The following PEBP4 variants were observed in gnomAD, a reference collection of about 807,000 sequenced individuals.
The protein encoded by PEBP4 is phosphatidylethanolamine binding protein 4.
A neutral mutation model predicts 23.9 loss-of-function variants in PEBP4; 22 were observed. That is an observed-to-expected ratio of 0.92 (90% CI 0.66 to 1.31). The LOEUF is 1.31. PEBP4 is among the 40% of genes most tolerant of loss of function. The pLI is 0.00. For synonymous variants in PEBP4, 112 were observed against 99.3 expected, an observed-to-expected ratio of 1.13 and a Z score of -0.76; for missense variants, 324 against 281.7, an observed-to-expected ratio of 1.15 and a Z score of -1.07.
intron 6 of PEBP4, among the ~76,000 whole-genome samples, chr8:22,718,611 G>A (rs146964406): frequency 1.3e-5 from 2 of 152,188 alleles, no homozygotes; most frequent in Non-Finnish European, 1.5e-5. Context: ...AGTTCTACCC[G>A]CTCGGCCAGG....
intron 4 of PEBP4, among the ~76,000 whole-genome samples, chr8:22,802,705 T>C (rs2128759059): frequency 1.3e-5 from 2 of 152,336 alleles, no homozygotes; most frequent in Admixed American, 1.3e-4. Flanking sequence ...AGACGCTTTG[T>C]TACTGGGAGA....
chr8:22,880,041 C>T (rs187428449), intron 3 of PEBP4, among the ~76,000 whole-genome samples: 1 of 152,178 alleles, frequency 6.6e-6, no homozygotes, highest in African/African-American at 2.4e-5. Flanking sequence ...CCACATGCAT[C>T]CAAATTTGGC....
chr8:22,835,341 C>A (rs1274113876), intron 3 of PEBP4, among the ~76,000 whole-genome samples: 1 of 152,208 alleles, frequency 6.6e-6, no homozygotes, highest in East Asian at 1.9e-4. Flanking sequence ...TTTCCACCGG[C>A]CCCTGGAGCA....
chr8:22,779,704 T>C (rs1805879594), intron 4 of PEBP4, among the ~76,000 whole-genome samples: 1 of 152,200 alleles, frequency 6.6e-6, no homozygotes, highest in Non-Finnish European at 1.5e-5. Context: ...GCACTGTGTT[T>C]AGCACTGGGA....
At chr8:22,859,563 G>A (rs892522474) in intron 3 of PEBP4, among the ~76,000 whole-genome samples, 2 of 152,248 alleles carry the variant, frequency 1.3e-5, no homozygotes, top group East Asian at 3.9e-4. Flanking sequence ...TAGCAGCTTG[G>A]CATACTGGCC....
At chr8:22,916,678 G>T (rs1467960017) in intron 3 of PEBP4, among the ~76,000 whole-genome samples, 1 of 151,870 alleles carries the variant, frequency 6.6e-6, no homozygotes, top group African/African-American at 2.4e-5. Flanking sequence ...ATGCATTCAT[G>T]CATTCATGCA....
chr8:22,742,228 A>G (rs114822383), intron 4 of PEBP4, among the ~76,000 whole-genome samples: 1,800 of 152,334 alleles, frequency 0.012, 44 homozygotes, highest in African/African-American at 0.041. Context: ...CTGTGCACAC[A>G]AGCAAGGGGC....
intron 4 of PEBP4, among the ~76,000 whole-genome samples, chr8:22,804,898 G>A (rs1806463877): frequency 6.6e-6 from 1 of 152,176 alleles, no homozygotes; most frequent in Non-Finnish European, 1.5e-5. Flanking sequence ...GAACACGCCA[G>A]CTCCTTCCTG....
rs542421660 is a variant in PEBP4 at position 22,769,416 on chromosome 8, G to A, written c.358-42196C>T. Among the ~76,000 whole-genome samples, 3 of 152,330 alleles carry A rather than the reference G, an allele frequency of 2.0e-5. No individual in the cohort carries two copies. In the South Asian group the frequency reaches 6.2e-4, roughly 32 times the overall value. On this transcript the variant is annotated intron_variant, in intron 4 of 6. Coordinates refer to ENST00000256404, the MANE Select transcript of PEBP4 (RefSeq NM_144962.3). Reference sequence around the variant, plus strand: ...TCCTGTCTCAGTGGCTCTGGATGCAGCCTTTCGGTAAAGATATTCTGAGTT... The same window carrying A: ...TCCTGTCTCAGTGGCTCTGGATGCAACCTTTCGGTAAAGATATTCTGAGTT...
intron 3 of PEBP4, among the ~76,000 whole-genome samples, chr8:22,915,430 A>C (rs1809052636): frequency 1.8e-5 from 2 of 112,970 alleles, no homozygotes; most frequent in African/African-American, 3.4e-5. Context: ...TCACCTCACC[A>C]TCCTGGCTCC....
At chr8:22,820,974 G>T (rs904142900) in intron 3 of PEBP4, among the ~76,000 whole-genome samples, 1 of 151,962 alleles carries the variant, frequency 6.6e-6, no homozygotes, top group Non-Finnish European at 1.5e-5. Flanking sequence ...TGGACTGATT[G>T]CTTGAGCCCA....
intron 3 of PEBP4, among the ~76,000 whole-genome samples, chr8:22,913,922 G>T (rs1424501868): frequency 2.0e-5 from 3 of 150,676 alleles, no homozygotes; most frequent in Non-Finnish European, 2.9e-5. Context: ...GGGTTCAAGT[G>T]ATTTTCCCAC....
intron 3 of PEBP4, among the ~76,000 whole-genome samples, chr8:22,827,963 A>G (rs7014662): frequency 0.14 from 20,702 of 152,198 alleles, 1,621 homozygotes; most frequent in Middle Eastern, 0.29. Context: ...GCATTTCCCT[A>G]AGGACTAGTG....
At chr8:22,782,593 C>A (rs1289302740) in intron 4 of PEBP4, among the ~76,000 whole-genome samples, 1 of 152,210 alleles carries the variant, frequency 6.6e-6, no homozygotes, top group Non-Finnish European at 1.5e-5. Flanking sequence ...ATGATTTCTT[C>A]AAGCAAGAGT....
chr8:22,919,911 G>A (rs999891791), intron 3 of PEBP4, among the ~76,000 whole-genome samples: 1 of 152,152 alleles, frequency 6.6e-6, no homozygotes, highest in Non-Finnish European at 1.5e-5. Flanking sequence ...GGGCAGCCAA[G>A]GAGCTCCCAG....
intron 3 of PEBP4, among the ~76,000 whole-genome samples, chr8:22,916,178 ATT>A (rs1809068129): frequency 6.6e-6 from 1 of 152,206 alleles, no homozygotes; most frequent in Admixed American, 6.5e-5. Context: ...TGCAATGCAC[ATT>A]CCCCACTTAA....
intron 3 of PEBP4, among the ~76,000 whole-genome samples, chr8:22,857,002 T>C (rs1807668527): frequency 6.6e-6 from 1 of 152,032 alleles, no homozygotes; most frequent in Admixed American, 6.6e-5. Context: ...GGTGAGTGTT[T>C]GATGACATGA....
At chr8:22,771,838 C>T (rs554845550) in intron 4 of PEBP4, among the ~76,000 whole-genome samples, 8 of 152,320 alleles carry the variant, frequency 5.3e-5, no homozygotes, top group East Asian at 1.9e-4. Context: ...AACTTCTGTA[C>T]GAACTGCCCC....
Position 22,817,627 on chromosome 8 carries a change from G to T in PEBP4, c.357+10C>A, listed in dbSNP as rs768241518. ...CAAATGCGTCAGAGAGTGCCTCTTG[G>T]CCTGCTTACCTTGATATCTGTTACC... On this transcript the variant is annotated intron_variant, in intron 4 of 6. Coordinates refer to ENST00000256404, the MANE Select transcript of PEBP4 (RefSeq NM_144962.3). 7 of 1,611,530 alleles carry T rather than the reference G, an allele frequency of 4.3e-6. No homozygotes were observed. Among genetic ancestry groups the T allele is most frequent in the Middle Eastern group, 1.7e-4 (1 of 6,054 alleles).
Sources: gnomAD v4.1 joint callset for allele counts (sites outside exome capture counted in the v4.1 genomes callset) on GRCh38, gnomAD v4.1.1 for gene constraint, MANE v1.5 for transcripts, NCBI Gene and HGNC (gene_info 2026-07-23, HGNC 2026-07-21) for gene names.